The following UBN1 variants were observed in gnomAD, a reference collection of about 807,000 sequenced individuals.
UBN1 encodes ubinuclein 1, also known as ubinuclein-1.
Under a neutral mutation model 108.5 loss-of-function variants are expected in UBN1, and 17 were observed. That is an observed-to-expected ratio of 0.16 (90% CI 0.11 to 0.24). The LOEUF is 0.24. Ranked by LOEUF, UBN1 falls within the 10% of genes least tolerant of loss-of-function variation. The probability of loss-of-function intolerance (pLI) is 1.00; values close to 1 mark genes in which losing one functional copy is unlikely to be tolerated. For synonymous variants in UBN1, 726 were observed against 564.2 expected, an observed-to-expected ratio of 1.29 and a Z score of -4.07; for missense variants, 1,595 against 1,394.4, an observed-to-expected ratio of 1.14 and a Z score of -2.29.
chr16:4,872,802 C>T (rs1490270976), intron 12 of UBN1, 82 bp from the exon 13 acceptor site: 1 of 1,509,642 alleles, frequency 6.6e-7, no homozygotes, highest in Non-Finnish European at 9.2e-7. Flanking sequence ...CTACTGAGGA[C>T]CAGGGACACT....
In UBN1 at chr16:4,859,896, TAAAG is replaced by T; in HGVS notation, c.602_605del (p.Lys201ArgfsTer42). On this transcript the variant is annotated frameshift_variant, in exon 6 of 18. Coordinates refer to ENST00000262376, the MANE Select transcript of UBN1 (RefSeq NM_001079514.3). LOFTEE classifies it high-confidence loss of function. Reference sequence around the variant, plus strand: ...AAGTTGAAGGAAGGTGGTGAGAAGATAAAGAAGAAGAAAAAAGATGACACTTATG... The same window carrying T: ...AAGTTGAAGGAAGGTGGTGAGAAGATAAGAAGAAAAAAGATGACACTTATG... The T allele has an allele frequency of 6.2e-7, 1 of 1,614,034 alleles. No individual in the cohort carries two copies. The highest frequency in any genetic ancestry group is 8.5e-7 in the Non-Finnish European group (1 of 1,179,984).
Position 4,880,143 on chromosome 16 carries a change from G to C in UBN1, c.*11G>C. On this transcript the variant is annotated 3_prime_UTR_variant, in exon 18 of 18. Transcript: ENST00000262376. ...CCACGGAAATTGTGACCGCTTCAGA[G>C]GCAAGGCTTGCCACTTGGGTCTGGG... The C allele has an allele frequency of 6.2e-7, 1 of 1,613,990 alleles. No homozygotes were observed. Among genetic ancestry groups the C allele is most frequent in the Non-Finnish European group, 8.5e-7 (1 of 1,179,988 alleles).
In UBN1 at chr16:4,877,460, C is replaced by T. The variant is rs747249805; in HGVS notation, c.3341C>T (p.Pro1114Leu). 27 of 1,610,858 alleles carry T rather than the reference C, an allele frequency of 1.7e-5. No individual in the cohort carries two copies. Among genetic ancestry groups the T allele is most frequent in the East Asian group, 6.7e-5 (3 of 44,836 alleles). ...LPHAAVPTHIPQSLPGASQLH... is the reference protein window; with the variant it reads ...LPHAAVPTHILQSLPGASQLH... ...CACGCTGCGGTGCCCACCCATATCC[C>T]GCAGAGTCTGCCAGGTAATCACCCG... is the stretch of plus-strand genomic sequence containing the variant. The change falls in exon 17 of 18, where the codon CCG becomes CTG. Residue 1114 changes from proline to leucine, a missense_variant. This residue lies in a region of UBN1 where 1,398 missense variants were observed against 1,194.7 expected (regional missense o/e 1.17). Transcript: ENST00000262376. The surrounding 1 kb of genome is among the most constrained non-coding windows in gnomAD (Gnocchi z 4.3).
At chr16:4,867,086 G>A (rs1286645433) in intron 7 of UBN1, among the ~76,000 whole-genome samples, 1 of 152,210 alleles carries the variant, frequency 6.6e-6, no homozygotes, top group African/African-American at 2.4e-5. Context: ...GGGCCAGATC[G>A]TGGAGGACCC....
intron 17 of UBN1, among the ~76,000 whole-genome samples, chr16:4,878,342 G>T (rs1252041783): frequency 6.6e-6 from 1 of 152,156 alleles, no homozygotes; most frequent in African/African-American, 2.4e-5. Context: ...AGAGCCGCTC[G>T]TATGGAAGCC....
chr16:4,849,949 C>CAAAAAAAAAAAAAAAAAAAAAAA (rs751842571), intron 1 of UBN1, among the ~76,000 whole-genome samples: 2 of 72,206 alleles, frequency 2.8e-5, no homozygotes, highest in African/African-American at 5.9e-5. Flanking sequence ...AACTGTCTCA[C>CAAAAAAAAAAAAAAAAAAAAAAA]AAAAAAAAAA....
In UBN1 at chr16:4,858,025, A is replaced by T. The variant is rs751519332; in HGVS notation, c.285A>T (p.Glu95Asp). ...KDLSDPFNDEEKERHKVEALA... is the reference protein window; with the variant it reads ...KDLSDPFNDEDKERHKVEALA... ...TGTCAGATCCTTTCAATGACGAAGA[A>T]AAGGAAAGGCATAAAGTAGAGGCCC... The change falls in exon 3 of 18, where the codon GAA (glutamate) becomes GAT (aspartate). Residue 95 changes from glutamate (E) to aspartate (D), a missense_variant. Glu to Asp is a conservative substitution (Grantham distance 45, BLOSUM62 2). Coordinates refer to ENST00000262376, the MANE Select transcript of UBN1 (RefSeq NM_001079514.3). 3.7e-6 allele frequency: 6 copies of T among 1,613,342 alleles called. No individual in the cohort carries two copies. Among genetic ancestry groups the T allele is most frequent in the Non-Finnish European group, 5.1e-6 (6 of 1,179,856 alleles).
intron 17 of UBN1, among the ~76,000 whole-genome samples, chr16:4,878,961 G>A (rs980597464): frequency 6.6e-5 from 10 of 152,188 alleles, no homozygotes; most frequent in Non-Finnish European, 1.5e-4. Flanking sequence ...GCAGCGAGCC[G>A]TGGTCATGCT....
At chr16:4,868,925 G>C in intron 8 of UBN1, 22 bp downstream of exon 8, 4 of 1,612,216 alleles carry the variant, frequency 2.5e-6, no homozygotes, top group Non-Finnish European at 3.4e-6. Flanking sequence ...CTGTCTGTCT[G>C]TCTGTCTGTC....
At chr16:4,849,361 C>A (rs974760980) in intron 1 of UBN1, among the ~76,000 whole-genome samples, 2 of 151,212 alleles carry the variant, frequency 1.3e-5, no homozygotes, top group African/African-American at 4.9e-5. Flanking sequence ...AAACAAAAAC[C>A]AAAAAACCCA....
At chr16:4,875,725 A>G (rs1333621795) in intron 15 of UBN1, among the ~76,000 whole-genome samples, 2 of 152,170 alleles carry the variant, frequency 1.3e-5, no homozygotes, top group African/African-American at 4.8e-5. Flanking sequence ...GCACAGAATG[A>G]GCAACAGCCC....
Position 4,880,151 on chromosome 16 carries a change from T to C in UBN1, c.*19T>C. The C allele has an allele frequency of 1.9e-6, 3 of 1,613,926 alleles. No homozygotes were observed. The highest frequency in any genetic ancestry group is 2.5e-6 in the Non-Finnish European group (3 of 1,179,882). ...ATTGTGACCGCTTCAGAGGCAAGGC[T>C]TGCCACTTGGGTCTGGGTGGAATCA... On this transcript the variant is annotated 3_prime_UTR_variant, in exon 18 of 18. Transcript: ENST00000262376.
In UBN1 at chr16:4,874,595, G is replaced by A. The variant is rs1332636780; in HGVS notation, c.2185G>A (p.Ala729Thr). The part of the protein sequence containing the change: ...AKPSPSAPPP[A>T]SSLQSPLNFL... The stretch of plus-strand genomic sequence containing the variant: ...GCCTAGTCCTTCTGCTCCACCACCA[G>A]CTAGCTCTCTGCAGTCACCCCTCAA... Residue 729 changes from alanine (A) to threonine (T), a missense_variant, in exon 15 of 18, where the codon GCT becomes ACT. By Grantham distance (58) the Ala-to-Thr change is moderately conservative. This residue lies in a region of UBN1 where 1,398 missense variants were observed against 1,194.7 expected (regional missense o/e 1.17). Coordinates refer to ENST00000262376, the MANE Select transcript of UBN1 (RefSeq NM_001079514.3). The A allele has an allele frequency of 1.2e-6, 2 of 1,614,090 alleles. No individual in the cohort carries two copies. The highest frequency in any genetic ancestry group is 2.7e-5 in the African/African-American group (2 of 74,938).
intron 15 of UBN1, 101 bp downstream of exon 15, chr16:4,875,535 A>T: frequency 6.8e-7 from 1 of 1,469,258 alleles, no homozygotes; most frequent in Non-Finnish European, 9.1e-7. Flanking sequence ...CTAAAACCAC[A>T]GGTCAGGTAG....
chr16:4,852,267 G>A (rs1252178210), intron 1 of UBN1: 1 of 152,218 alleles, frequency 6.6e-6, no homozygotes, highest in Admixed American at 6.5e-5. Context: ...CCATTCCCAA[G>A]TGATTTTGAA....
At chr16:4,868,203 C>G (rs902759635) in intron 7 of UBN1, among the ~76,000 whole-genome samples, 1 of 152,150 alleles carries the variant, frequency 6.6e-6, no homozygotes, top group African/African-American at 2.4e-5. Flanking sequence ...TCTGAGCTTG[C>G]CATCCAGGGT....
In UBN1 at chr16:4,852,769, A is replaced by G. The variant is rs996453004; in HGVS notation, c.-39-110A>G. ...AAACAATAAATGACAAAATATAACA[A>G]TGGAGTTTTCTTGACAATGAAATTC... is the stretch of plus-strand genomic sequence containing the variant. On this transcript the variant is annotated intron_variant, in intron 1 of 17. Coordinates refer to ENST00000262376, the MANE Select transcript of UBN1 (RefSeq NM_001079514.3). The G allele has an allele frequency of 2.3e-5, 27 of 1,156,638 alleles. No individual in the cohort carries two copies. In the African/African-American group the frequency reaches 3.3e-4, roughly 14 times the overall value. The allele number at this position is 1,156,638 out of a possible 1,614,324, so 71.6% of individuals were successfully genotyped here. A position where few individuals can be genotyped will look rare whatever the true frequency, so the allele number is the denominator to read the frequency against.
At chr16:4,871,392 G>T in intron 12 of UBN1, 91 bp downstream of exon 12, 2 of 1,523,126 alleles carry the variant, frequency 1.3e-6, no homozygotes, top group Non-Finnish European at 1.8e-6. Flanking sequence ...CTTGCTCACA[G>T]GGAGTCACTG....
At chr16:4,853,418 GT>G (rs778545371) in intron 2 of UBN1, among the ~76,000 whole-genome samples, 10 of 152,038 alleles carry the variant, frequency 6.6e-5, no homozygotes, top group Non-Finnish European at 1.2e-4. Flanking sequence ...GGTTATAAAC[GT>G]TATGTGTAAA....
Sources: allele counts gnomAD v4.1 joint callset (sites outside exome capture counted in the v4.1 genomes callset), GRCh38; gene constraint gnomAD v4.1.1; regional missense constraint gnomAD v4.1.1; non-coding constraint Gnocchi (gnomAD v3.1); transcripts MANE v1.5; gene names NCBI Gene and HGNC (gene_info 2026-07-23, HGNC 2026-07-21).